Variants in ARMH3 observed in about 807,000 individuals in gnomAD.
The protein encoded by ARMH3 is armadillo like helical domain containing 3.
In ARMH3, 60 loss-of-function variants were observed where a neutral mutation model predicts 99.1. The observed-to-expected ratio is 0.61, with a 90% CI of 0.49 to 0.75. The LOEUF is 0.75. Among genes scored for constraint, ARMH3 ranks in the 30% least tolerant of loss-of-function variants. The pLI is 0.00. For synonymous variants in ARMH3, 285 were observed against 292.8 expected (o/e 0.97, Z 0.27); for missense variants, 679 against 843.1 (o/e 0.81, Z 2.41).
At chr10:101,990,641 A>T in intron 18 of ARMH3, 30 bp from the exon 19 acceptor site, 1 of 1,539,100 alleles carries the variant, frequency 6.5e-7, no homozygotes, top group Non-Finnish European at 9.0e-7. Flanking sequence ...AAACTGGATC[A>T]ATTACAATGG....
chr10:101,921,133 TACC>T (rs1843291185), intron 23 of ARMH3, among the ~76,000 whole-genome samples: 1 of 152,218 alleles, frequency 6.6e-6, no homozygotes, highest in Non-Finnish European at 1.5e-5. Context: ...TTATATTTCT[TACC>T]ACAATTTAAA....
intron 19 of ARMH3, among the ~76,000 whole-genome samples, chr10:101,977,616 T>A (rs1285847245): frequency 1.3e-5 from 2 of 152,196 alleles, no homozygotes; most frequent in Non-Finnish European, 2.9e-5. Flanking sequence ...TAATTGCAAA[T>A]GTAATATTAT....
intron 8 of ARMH3, among the ~76,000 whole-genome samples, chr10:102,022,802 G>A (rs1453351437): frequency 2.0e-5 from 3 of 151,050 alleles, no homozygotes; most frequent in African/African-American, 4.8e-5. Context: ...GGATGGTCTC[G>A]ATCTCCTGAC....
At chr10:102,007,775 G>A (rs1396034160) in intron 13 of ARMH3, among the ~76,000 whole-genome samples, 1 of 147,270 alleles carries the variant, frequency 6.8e-6, no homozygotes, top group Non-Finnish European at 1.5e-5. Context: ...AGAGCTTGCA[G>A]TGAGCAGAGA....
chr10:101,899,215 A>C (rs1462563504), intron 23 of ARMH3, among the ~76,000 whole-genome samples: 1 of 152,016 alleles, frequency 6.6e-6, no homozygotes, highest in Non-Finnish European at 1.5e-5. Context: ...TTTTTCCCCC[A>C]AGGCAGCTTC....
chr10:101,878,540 G>A (rs958038102), intron 24 of ARMH3, among the ~76,000 whole-genome samples: 6 of 151,908 alleles, frequency 3.9e-5, no homozygotes, highest in Non-Finnish European at 8.8e-5. Flanking sequence ...TCGAGAGGCT[G>A]AGGCAGGAAG....
chr10:101,877,528 C>T lies in ARMH3; in HGVS notation c.1860+11884G>A, dbSNP rs548619688. On this transcript the variant is annotated intron_variant, in intron 24 of 25. Coordinates refer to ENST00000370033, the MANE Select transcript of ARMH3 (RefSeq NM_024541.3). ...TACAAAAATTAGCCAGGCGTGATGG[C>T]GTGTGCCTGTAATCCCAGCTATTCA... Among the ~76,000 whole-genome samples, 289 of 152,090 alleles carry T rather than the reference C, an allele frequency of 1.9e-3. 2 individuals carry two copies. The highest frequency in any genetic ancestry group is 4.4e-3 in the African/African-American group (181 of 41,482).
chr10:102,000,087 AT>A (rs1228063370), intron 15 of ARMH3, among the ~76,000 whole-genome samples: 3 of 152,204 alleles, frequency 2.0e-5, no homozygotes, highest in Non-Finnish European at 4.4e-5. Context: ...TCTCAAAAAA[AT>A]AAAAAATAAA....
intron 13 of ARMH3, among the ~76,000 whole-genome samples, chr10:102,008,384 T>G (rs1215926267): frequency 6.6e-6 from 1 of 152,186 alleles, no homozygotes; most frequent in South Asian, 2.1e-4. Flanking sequence ...TAACACTTTA[T>G]CAATTTTTTA....
chr10:101,926,436 G>A (rs1843510495), intron 23 of ARMH3, among the ~76,000 whole-genome samples: 1 of 152,134 alleles, frequency 6.6e-6, no homozygotes. Context: ...GGGATTACAA[G>A]TGTGAACCAC....
chr10:101,901,514 C>T (rs537056797), intron 23 of ARMH3, among the ~76,000 whole-genome samples: 2 of 152,308 alleles, frequency 1.3e-5, no homozygotes, highest in South Asian at 2.1e-4. Context: ...ACCACTGAGA[C>T]GTGGCGTTAC....
At chr10:101,865,397 AT>A (rs536377428) in intron 24 of ARMH3, among the ~76,000 whole-genome samples, 8 of 152,304 alleles carry the variant, frequency 5.3e-5, no homozygotes, top group Non-Finnish European at 8.8e-5. Flanking sequence ...ACATGGCACC[AT>A]TTGCAGCTGA....
chr10:101,991,698 A>T (rs577037072), intron 18 of ARMH3, among the ~76,000 whole-genome samples: 2 of 152,236 alleles, frequency 1.3e-5, no homozygotes, highest in South Asian at 4.2e-4. Flanking sequence ...TTGATCATGT[A>T]TCTTGTAAAT....
chr10:101,897,397 G>A (rs771656481), intron 23 of ARMH3, among the ~76,000 whole-genome samples: 7 of 152,108 alleles, frequency 4.6e-5, no homozygotes, highest in Non-Finnish European at 8.8e-5. Flanking sequence ...AAATTAAAAT[G>A]TTTTATCCTC....
chr10:101,938,996 A>T (rs1844120199), intron 23 of ARMH3, among the ~76,000 whole-genome samples: 1 of 152,190 alleles, frequency 6.6e-6, no homozygotes. Flanking sequence ...AAATAAAAAG[A>T]AAGAAAAGAT....
chr10:102,044,242 T>C lies in ARMH3; in HGVS notation c.-11-4117A>G, dbSNP rs373040803. ...CCCAGTAGCTGAGACACCTGGCTAA[T>C]TTTGTTGTATTTTTAGTAGAGACGG... On this transcript the variant is annotated intron_variant, in intron 1 of 25. Coordinates refer to ENST00000370033, the MANE Select transcript of ARMH3 (RefSeq NM_024541.3). Among the ~76,000 whole-genome samples, 4 of 151,680 alleles carry C rather than the reference T, an allele frequency of 2.6e-5. No individual in the cohort carries two copies. In the East Asian group the frequency reaches 5.8e-4, roughly 22 times the overall value.
chr10:101,886,736 G>A (rs549333263), intron 24 of ARMH3, among the ~76,000 whole-genome samples: 6 of 152,288 alleles, frequency 3.9e-5, no homozygotes, highest in Admixed American at 3.9e-4. Flanking sequence ...GCTGGAATGT[G>A]TCTAGGGGTT....
chr10:101,964,952 C>A (rs1052976310), intron 20 of ARMH3, among the ~76,000 whole-genome samples: 3 of 151,828 alleles, frequency 2.0e-5, no homozygotes, highest in African/African-American at 7.3e-5. Context: ...GCGGAAGTTG[C>A]AGTGAACCAA....
At chr10:101,960,677 T>C (rs1461668748) in intron 20 of ARMH3, among the ~76,000 whole-genome samples, 2 of 151,658 alleles carry the variant, frequency 1.3e-5, no homozygotes, top group Non-Finnish European at 2.9e-5. Flanking sequence ...GATCATGAGG[T>C]CAGGAGTTCG....
Sources: allele counts gnomAD v4.1 joint callset (sites outside exome capture counted in the v4.1 genomes callset), GRCh38; gene constraint gnomAD v4.1.1; transcripts MANE v1.5; gene names NCBI Gene and HGNC (gene_info 2026-07-23, HGNC 2026-07-21).